IGF1R: variants seen among roughly 807,000 people sequenced by gnomAD.
The protein encoded by IGF1R is insulin like growth factor 1 receptor, also known as insulin-like growth factor 1 receptor.
Under a neutral mutation model 144.6 loss-of-function variants are expected in IGF1R, and 44 were observed. The ratio of observed to expected loss-of-function variants is 0.30; its 90% CI spans 0.24 to 0.39. IGF1R has a LOEUF of 0.39. Ranked by LOEUF, IGF1R falls within the 10% of genes least tolerant of loss-of-function variation. The pLI, the probability that IGF1R is intolerant of heterozygous loss-of-function variation, is 1.00. For missense variants in IGF1R, 1,355 were observed against 1,833.7 expected (o/e 0.74, Z 4.77); for synonymous variants, 795 against 722.8 (o/e 1.10, Z -1.60).
chr15:98,762,621 G>T (rs988823151), intron 2 of IGF1R, among the ~76,000 whole-genome samples: 1 of 148,562 alleles, frequency 6.7e-6, no homozygotes. Context: ...CCAGTTACTC[G>T]GGAGGCTGAG....
At chr15:98,756,802 T>C (rs767200037) in intron 2 of IGF1R, among the ~76,000 whole-genome samples, 1 of 152,202 alleles carries the variant, frequency 6.6e-6, no homozygotes, top group Non-Finnish European at 1.5e-5. Context: ...AGACAGTTGA[T>C]CTCCTTTTTG....
intron 2 of IGF1R, among the ~76,000 whole-genome samples, chr15:98,761,098 C>T (rs1194631901): frequency 6.6e-6 from 1 of 152,250 alleles, no homozygotes; most frequent in Non-Finnish European, 1.5e-5. Context: ...GGTGACCTGC[C>T]TGTCCTACTG....
intron 2 of IGF1R, among the ~76,000 whole-genome samples, chr15:98,870,427 A>G (rs2012723797): frequency 6.6e-6 from 1 of 152,218 alleles, no homozygotes; most frequent in African/African-American, 2.4e-5. Flanking sequence ...GGGAATGATG[A>G]CATCCAGCAG....
intron 2 of IGF1R, among the ~76,000 whole-genome samples, chr15:98,776,192 AT>A (rs200990986): frequency 0.017 from 2,505 of 147,292 alleles, 65 homozygotes; most frequent in African/African-American, 0.058. Context: ...TTATTTTTTT[AT>A]TTTTTTTTTG....
chr15:98,801,847 G>C (rs1365873311), intron 2 of IGF1R, among the ~76,000 whole-genome samples: 1 of 152,212 alleles, frequency 6.6e-6, no homozygotes, highest in East Asian at 1.9e-4. Flanking sequence ...GTGGCTAGCA[G>C]CAAGCAGGGA....
intron 13 of IGF1R, among the ~76,000 whole-genome samples, chr15:98,929,080 C>T (rs1450777037): frequency 6.6e-6 from 1 of 151,968 alleles, no homozygotes; most frequent in Non-Finnish European, 1.5e-5. Flanking sequence ...AGAATGCTTG[C>T]TGCTGCAAGC....
chr15:98,725,830 C>G (rs2054345210), intron 2 of IGF1R, among the ~76,000 whole-genome samples: 1 of 152,158 alleles, frequency 6.6e-6, no homozygotes, highest in Non-Finnish European at 1.5e-5. Flanking sequence ...ATGGTGGCAG[C>G]AAGAGAAAAT....
At chr15:98,773,382 A>G (rs2055638480) in intron 2 of IGF1R, among the ~76,000 whole-genome samples, 1 of 152,220 alleles carries the variant, frequency 6.6e-6, no homozygotes, top group South Asian at 2.1e-4. Flanking sequence ...TAATGGGGTC[A>G]CAAGGGACAA....
At chr15:98,808,069 G>GTTGTTTGGGAA (rs1340242803) in intron 2 of IGF1R, among the ~76,000 whole-genome samples, 1 of 152,196 alleles carries the variant, frequency 6.6e-6, no homozygotes, top group Non-Finnish European at 1.5e-5. Flanking sequence ...CCACATCCAT[G>GTTGTTTGGGAA]TTGTTTGGGA....
chr15:98,790,723 T>G (rs555759297), intron 2 of IGF1R, among the ~76,000 whole-genome samples: 56 of 152,332 alleles, frequency 3.7e-4, no homozygotes, highest in African/African-American at 1.3e-3. Context: ...ATTAACGGCA[T>G]TAGAACTGAG....
chr15:98,841,591 G>C (rs2011175475), intron 2 of IGF1R, among the ~76,000 whole-genome samples: 1 of 152,174 alleles, frequency 6.6e-6, no homozygotes, highest in Non-Finnish European at 1.5e-5. Flanking sequence ...GCCCCAGGGA[G>C]GAGTTTGAGT....
At chr15:98,703,877 T>C (rs1284685659) in intron 1 of IGF1R, among the ~76,000 whole-genome samples, 1 of 152,238 alleles carries the variant, frequency 6.6e-6, no homozygotes, top group African/African-American at 2.4e-5. Flanking sequence ...AGTAAATAGA[T>C]GCCTAACGCT....
intron 10 of IGF1R, among the ~76,000 whole-genome samples, chr15:98,920,279 G>C (rs1290937838): frequency 6.6e-6 from 1 of 152,194 alleles, no homozygotes; most frequent in Non-Finnish European, 1.5e-5. Context: ...CTGCCTTCCA[G>C]ATAATGTTCT....
intron 2 of IGF1R, among the ~76,000 whole-genome samples, chr15:98,823,139 C>T (rs141646526): frequency 6.6e-6 from 1 of 152,358 alleles, no homozygotes. Context: ...GGTCTCCTCT[C>T]ATAAACTGGG....
At chr15:98,912,707 A>G (rs1001787896) in intron 7 of IGF1R, among the ~76,000 whole-genome samples, 11 of 152,048 alleles carry the variant, frequency 7.2e-5, no homozygotes, top group Non-Finnish European at 1.5e-4. Flanking sequence ...TGATATTTGC[A>G]TTAACTGACT....
At chr15:98,723,289 G>A (rs961263909) in intron 2 of IGF1R, among the ~76,000 whole-genome samples, 37 of 152,300 alleles carry the variant, frequency 2.4e-4, no homozygotes, top group African/African-American at 8.4e-4. Flanking sequence ...AGGAATTCCA[G>A]ACGTTCTTCT....
At chr15:98,693,314 G>A (rs1373674368) in intron 1 of IGF1R, among the ~76,000 whole-genome samples, 1 of 152,170 alleles carries the variant, frequency 6.6e-6, no homozygotes, top group African/African-American at 2.4e-5. Context: ...ATGTAGAGGG[G>A]CAAGATTTAC....
At chr15:98,766,629 C>G (rs1480736675) in intron 2 of IGF1R, among the ~76,000 whole-genome samples, 1 of 152,102 alleles carries the variant, frequency 6.6e-6, no homozygotes, top group Non-Finnish European at 1.5e-5. Flanking sequence ...ATACATACCC[C>G]TCTTTATATC....
At chr15:98,940,547 G>A (rs990038892) in intron 18 of IGF1R, among the ~76,000 whole-genome samples, 4 of 152,192 alleles carry the variant, frequency 2.6e-5, no homozygotes, top group Non-Finnish European at 5.9e-5. Context: ...GGGATTACAG[G>A]CGCGTGCCAC....
Sources: allele counts gnomAD v4.1 joint callset (sites outside exome capture counted in the v4.1 genomes callset), GRCh38; gene constraint gnomAD v4.1.1; transcripts MANE v1.5; gene names NCBI Gene and HGNC (gene_info 2026-07-23, HGNC 2026-07-21).